Variants in TLL1 observed in about 807,000 individuals in gnomAD.
TLL1 encodes tolloid like 1, also known as tolloid-like protein 1.
A neutral mutation model predicts 128.2 loss-of-function variants in TLL1; 49 were observed. The ratio of observed to expected loss-of-function variants is 0.38; its 90% CI spans 0.30 to 0.48. The LOEUF (loss-of-function observed/expected upper bound fraction) is 0.48, where lower values mean the gene tolerates loss of function less well. Ranked by LOEUF, TLL1 falls within the 20% of genes least tolerant of loss-of-function variation. TLL1 has a pLI of 0.96. For synonymous variants in TLL1, 454 were observed against 418.8 expected (o/e 1.08, Z -1.03); for missense variants, 1,123 against 1,242.0 (o/e 0.90, Z 1.44).
At chr4:165,919,471 TATG>T (rs1662502698) in intron 1 of TLL1, among the ~76,000 whole-genome samples, 1 of 151,976 alleles carries the variant, frequency 6.6e-6, no homozygotes, top group South Asian at 2.1e-4. Flanking sequence ...TTACCTATTT[TATG>T]ATATTATTAC....
At position 165,876,847 on chromosome 4, in the gene TLL1, G is replaced by C. The variant is rs144380359; in HGVS notation, c.169+2774G>C. The stretch of plus-strand genomic sequence containing the variant: ...GGTTTACCAGGAGTCCAGACTACTA[G>C]AGATGCGATTGCTTGCATATCTGAT... On this transcript the variant is annotated intron_variant, in intron 1 of 20. Transcript: ENST00000061240. Among the ~76,000 whole-genome samples the C allele has an allele frequency of 9.1e-4, 139 of 152,320 alleles. 1 individual carries two copies. Among genetic ancestry groups the C allele is most frequent in the African/African-American group, 3.2e-3 (134 of 41,576 alleles).
chr4:165,954,946 A>G (rs899641447), intron 1 of TLL1, among the ~76,000 whole-genome samples: 2 of 152,122 alleles, frequency 1.3e-5, no homozygotes, highest in African/African-American at 4.8e-5. Context: ...GTCCCCAGCA[A>G]TGGTTCCTAA....
At chr4:166,088,922 C>G (rs1234988927) in intron 18 of TLL1, among the ~76,000 whole-genome samples, 1 of 152,130 alleles carries the variant, frequency 6.6e-6, no homozygotes, top group African/African-American at 2.4e-5. Flanking sequence ...TTCATTCAGT[C>G]TTCAATGGAC....
chr4:166,012,637 C>G (rs1015460672), intron 7 of TLL1, among the ~76,000 whole-genome samples: 5 of 151,638 alleles, frequency 3.3e-5, no homozygotes, highest in Non-Finnish European at 5.9e-5. Flanking sequence ...TGACTCATGC[C>G]TCAAGTTACA....
intron 1 of TLL1, among the ~76,000 whole-genome samples, chr4:165,947,167 T>G (rs1027287068): frequency 6.6e-6 from 1 of 152,110 alleles, no homozygotes; most frequent in Non-Finnish European, 1.5e-5. Flanking sequence ...TGGGTGGCCA[T>G]CATCTTACTG....
intron 9 of TLL1, among the ~76,000 whole-genome samples, chr4:166,035,713 T>C (rs1364143628): frequency 6.6e-6 from 1 of 152,174 alleles, no homozygotes; most frequent in Non-Finnish European, 1.5e-5. Flanking sequence ...CAAACATTTC[T>C]GGAAAGAACA....
intron 15 of TLL1, among the ~76,000 whole-genome samples, chr4:166,062,392 G>C (rs184862668): frequency 2.2e-4 from 34 of 152,058 alleles, no homozygotes; most frequent in African/African-American, 7.7e-4. Context: ...CTTTTATTTC[G>C]TTGATCAGTG....
At chr4:166,057,340 C>G in intron 14 of TLL1, 31 bp downstream of exon 14, 1 of 1,612,574 alleles carries the variant, frequency 6.2e-7, no homozygotes, top group Non-Finnish European at 8.5e-7. Context: ...GGACCCCCAC[C>G]CCCCACAATT....
intron 13 of TLL1, among the ~76,000 whole-genome samples, chr4:166,056,882 G>T (rs1740034594): frequency 6.6e-6 from 1 of 152,094 alleles, no homozygotes; most frequent in South Asian, 2.1e-4. Context: ...CTTATACGTT[G>T]TTCCTGCTCC....
chr4:165,920,284 T>C (rs1001608846), intron 1 of TLL1, among the ~76,000 whole-genome samples: 4 of 152,246 alleles, frequency 2.6e-5, no homozygotes, highest in Admixed American at 6.5e-5. Flanking sequence ...TAGAGAGCTT[T>C]ATTTGTCAGG....
Position 165,877,679 on chromosome 4 carries a change from G to A in TLL1, c.169+3606G>A, listed in dbSNP as rs1360163971. On this transcript the variant is annotated intron_variant, in intron 1 of 20. Coordinates refer to ENST00000061240, the MANE Select transcript of TLL1 (RefSeq NM_012464.5). ...GAAAAGCAGATACCTGATGAACTGC[G>A]TATTAACACATACCCTTCCTTCTCT... is the stretch of plus-strand genomic sequence containing the variant. Among the ~76,000 whole-genome samples the A allele has an allele frequency of 7.2e-5, 11 of 152,150 alleles. No individual in the cohort carries two copies. The East Asian group carries it at 1.2e-3, about 16-fold the overall frequency.
rs555641056 is a variant in TLL1 at position 165,923,819 on chromosome 4, C to G, written c.169+49746C>G. Among the ~76,000 whole-genome samples the G allele has an allele frequency of 7.9e-5, 12 of 152,082 alleles. 1 individual carries two copies. The highest frequency in any genetic ancestry group is 7.8e-4 in the East Asian group (4 of 5,158). ...AACACAATTTAATGTTTGTGGCAACCCTGTGCCAATGCCATTTTTCTAACA... is the reference window on the plus strand; with the variant it reads ...AACACAATTTAATGTTTGTGGCAACGCTGTGCCAATGCCATTTTTCTAACA... On this transcript the variant is annotated intron_variant, in intron 1 of 20. Coordinates refer to ENST00000061240, the MANE Select transcript of TLL1 (RefSeq NM_012464.5).
intron 16 of TLL1, among the ~76,000 whole-genome samples, chr4:166,067,552 C>T (rs1006256279): frequency 5.3e-5 from 8 of 151,598 alleles, no homozygotes; most frequent in Admixed American, 4.6e-4. Flanking sequence ...TAACTGAGCA[C>T]CTTGGTAGTA....
chr4:166,003,461 T>G lies in TLL1; in HGVS notation c.703T>G (p.Phe235Val). 6.2e-7 allele frequency: 1 copy of G among 1,613,994 alleles called. No individual in the cohort carries two copies. Among genetic ancestry groups the G allele is most frequent in the Non-Finnish European group, 8.5e-7 (1 of 1,179,942 alleles). ...AISIGKNCDK[F>V]GIVVHELGHV... ...CTCTATCGGCAAGAACTGTGATAAATTTGGGATTGTTGTTCATGAATTGGG... is the reference window on the plus strand; with the variant it reads ...CTCTATCGGCAAGAACTGTGATAAAGTTGGGATTGTTGTTCATGAATTGGG... The change falls in exon 6 of 21, where the codon TTT becomes GTT. Residue 235 changes from phenylalanine (F) to valine (V), a missense_variant. By Grantham distance (50) the Phe-to-Val change is conservative (BLOSUM62 -1). Coordinates refer to ENST00000061240, the MANE Select transcript of TLL1 (RefSeq NM_012464.5).
intron 12 of TLL1, among the ~76,000 whole-genome samples, chr4:166,046,598 A>G (rs1451579497): frequency 6.6e-6 from 1 of 152,240 alleles, no homozygotes; most frequent in East Asian, 1.9e-4. Context: ...ACATGTACAC[A>G]GCAGCAAATT....
At chr4:165,988,833 A>G (rs1159652966) in intron 1 of TLL1, among the ~76,000 whole-genome samples, 4 of 152,122 alleles carry the variant, frequency 2.6e-5, no homozygotes, top group African/African-American at 9.7e-5. Flanking sequence ...CTCAGAGGCA[A>G]TGCCATCTTA....
intron 18 of TLL1, among the ~76,000 whole-genome samples, chr4:166,078,344 A>G (rs1741133045): frequency 6.6e-6 from 1 of 152,206 alleles, no homozygotes; most frequent in Non-Finnish European, 1.5e-5. Context: ...AAAATAAACG[A>G]TGGAACAAAA....
chr4:165,878,284 C>G (rs1338231299), intron 1 of TLL1, among the ~76,000 whole-genome samples: 3 of 152,144 alleles, frequency 2.0e-5, no homozygotes, highest in African/African-American at 7.2e-5. Flanking sequence ...GACTGCTGCA[C>G]TCTCATTTAA....
intron 12 of TLL1, among the ~76,000 whole-genome samples, chr4:166,054,179 A>G (rs1739891392): frequency 7.7e-6 from 1 of 129,414 alleles, no homozygotes. Flanking sequence ...ACAAGGCCAT[A>G]TTTCCTTGGG....
Sources: gnomAD v4.1 joint callset for allele counts (sites outside exome capture counted in the v4.1 genomes callset) on GRCh38, gnomAD v4.1.1 for gene constraint, MANE v1.5 for transcripts, NCBI Gene and HGNC (gene_info 2026-07-23, HGNC 2026-07-21) for gene names.